Variants in LPIN1 observed in about 807,000 individuals in gnomAD.
LPIN1 encodes lipin 1.
LPIN1 carries 71 observed loss-of-function variants against 107.5 expected under a neutral mutation model. That is an observed-to-expected ratio of 0.66 (90% CI 0.55 to 0.80). The LOEUF is 0.80. Ranked by LOEUF, LPIN1 falls within the 30% of genes least tolerant of loss-of-function variation. The pLI, the probability that LPIN1 is intolerant of heterozygous loss-of-function variation, is 0.00. For synonymous variants in LPIN1, 445 were observed against 452.6 expected (o/e 0.98, Z 0.21); for missense variants, 1,043 against 1,160.6 (o/e 0.90, Z 1.47).
intron 1 of LPIN1, among the ~76,000 whole-genome samples, chr2:11,759,007 C>G (rs1276504215): frequency 6.6e-6 from 1 of 152,206 alleles, no homozygotes; most frequent in Non-Finnish European, 1.5e-5. Context: ...TGTCTTGGAA[C>G]GGATAGAGCT....
At chr2:11,804,982 G>GTTTTTTTTTT in intron 16 of LPIN1, 88 bp from the exon 17 acceptor site, 2 of 704,170 alleles carry the variant, frequency 2.8e-6, no homozygotes, top group Admixed American at 2.3e-5. Flanking sequence ...TCTTGTTTGT[G>GTTTTTTTTTT]TTTTTTTTTT....
intron 1 of LPIN1, among the ~76,000 whole-genome samples, chr2:11,700,041 C>T (rs145306300): frequency 1.9e-4 from 29 of 152,300 alleles, no homozygotes; most frequent in African/African-American, 6.5e-4. Flanking sequence ...GTGTGTCTTT[C>T]TTTGATTGTT....
intron 17 of LPIN1, among the ~76,000 whole-genome samples, chr2:11,808,825 C>T (rs1026094073): frequency 2.3e-4 from 35 of 149,710 alleles, no homozygotes; most frequent in African/African-American, 8.2e-4. Context: ...GAGCCGAGAT[C>T]GCACCATTGC....
chr2:11,729,212 C>G (rs545306410), intron 1 of LPIN1, among the ~76,000 whole-genome samples: 8 of 152,214 alleles, frequency 5.3e-5, no homozygotes, highest in African/African-American at 1.7e-4. Context: ...GGCTTAAAAC[C>G]TAGATGATGG....
chr2:11,805,236 C>T, intron 17 of LPIN1, 80 bp downstream of exon 17: 1 of 1,136,012 alleles, frequency 8.8e-7, no homozygotes, highest in Non-Finnish European at 1.3e-6. Flanking sequence ...TCTTTCCTGT[C>T]CCAGCACGGG....
rs373496457 is a variant in LPIN1, at chr2:11,811,971, G to A, written c.2250-3117G>A. On this transcript the variant is annotated intron_variant, in intron 17 of 20. Coordinates refer to ENST00000674199, the MANE Select transcript of LPIN1 (RefSeq NM_001349206.2). ...CTGCACTCCAGCCTGGTGACACAGC[G>A]AGACTCCGTCTCAAAAAAAAAGAAA... Among the ~76,000 whole-genome samples, 54 of 152,084 alleles carry A rather than the reference G, an allele frequency of 3.6e-4. No homozygotes were observed. In the South Asian group the frequency reaches 6.7e-3, roughly 19 times the overall value.
At position 11,793,796 on chromosome 2, in the gene LPIN1, G is replaced by A. The variant is rs1290253622; in HGVS notation, c.1807-1612G>A. ...AGTTGATAATTATGTAATTACTAGC[G>A]TGACTATTTGATGAACCTCTCCTTT... On this transcript the variant is annotated intron_variant, in intron 13 of 20. Transcript: ENST00000674199. Among the ~76,000 whole-genome samples the A allele has an allele frequency of 4.6e-5, 7 of 152,252 alleles. No individual in the cohort carries two copies. The East Asian group carries it at 7.7e-4, about 17-fold the overall frequency.
intron 1 of LPIN1, among the ~76,000 whole-genome samples, chr2:11,684,766 A>AT (rs531413399): frequency 1.2e-3 from 140 of 114,138 alleles, no homozygotes; most frequent in African/African-American, 4.5e-3. Context: ...ATTGTTTTTC[A>AT]TTTTTTAAGA....
intron 1 of LPIN1, among the ~76,000 whole-genome samples, chr2:11,689,620 C>G (rs1451363661): frequency 6.6e-6 from 1 of 152,076 alleles, no homozygotes; most frequent in Non-Finnish European, 1.5e-5. Flanking sequence ...GAAAACATAC[C>G]TATAGGCTGG....
At position 11,813,221 on chromosome 2, in the gene LPIN1, G is replaced by T. The variant is rs141573173; in HGVS notation, c.2250-1867G>T. Among the ~76,000 whole-genome samples the T allele has an allele frequency of 2.5e-3, 387 of 152,272 alleles. 1 individual carries two copies. The highest frequency in any genetic ancestry group is 8.5e-3 in the African/African-American group (351 of 41,538). On this transcript the variant is annotated intron_variant, in intron 17 of 20. Transcript: ENST00000674199. ...TAGTAGCCTGCAGCTTGGGAGAGGG[G>T]TCTGGACGGGGTCCATGCATTTGGG...
intron 15 of LPIN1, 24 bp from the exon 16 acceptor site, chr2:11,804,399 A>T: frequency 6.2e-7 from 1 of 1,614,036 alleles, no homozygotes; most frequent in Non-Finnish European, 8.5e-7. Flanking sequence ...AAGCAGACAA[A>T]TACTAATGGT....
intron 1 of LPIN1, among the ~76,000 whole-genome samples, chr2:11,690,232 A>G (rs1662202776): frequency 6.6e-6 from 1 of 152,146 alleles, no homozygotes; most frequent in South Asian, 2.1e-4. Context: ...GGGACTGTCT[A>G]TGGAAGACAA....
At chr2:11,761,004 A>G (rs1669737292) in intron 1 of LPIN1, among the ~76,000 whole-genome samples, 1 of 152,216 alleles carries the variant, frequency 6.6e-6, no homozygotes, top group Admixed American at 6.5e-5. Context: ...GTCAATCCAG[A>G]GAGCCCCTCT....
At chr2:11,807,566 T>A (rs1185849354) in intron 17 of LPIN1, among the ~76,000 whole-genome samples, 2 of 151,712 alleles carry the variant, frequency 1.3e-5, no homozygotes, top group African/African-American at 2.4e-5. Context: ...AGAAGAGAGA[T>A]CTTCTTGAAA....
chr2:11,733,497 CTCTT>C (rs1300282764), intron 1 of LPIN1, among the ~76,000 whole-genome samples: 8 of 147,480 alleles, frequency 5.4e-5, no homozygotes, highest in African/African-American at 1.1e-4. Context: ...CTCTCTCTCT[CTCTT>C]TTTTTTTTTT....
chr2:11,770,948 GTCTT>G (rs78156446), intron 3 of LPIN1, among the ~76,000 whole-genome samples: 20,871 of 152,032 alleles, frequency 0.14, 1,746 homozygotes, highest in Middle Eastern at 0.2. Context: ...CACATTCTCT[GTCTT>G]TCTCTCACAC....
intron 12 of LPIN1, 22 bp downstream of exon 12, chr2:11,788,478 A>C (rs1675061744): frequency 1.9e-6 from 3 of 1,584,206 alleles, no homozygotes; most frequent in Non-Finnish European, 2.6e-6. Context: ...CATGAGAAAG[A>C]AAAGGGGATG....
intron 1 of LPIN1, among the ~76,000 whole-genome samples, chr2:11,759,143 T>C (rs1191781078): frequency 7.6e-6 from 1 of 131,250 alleles, no homozygotes; most frequent in Non-Finnish European, 1.7e-5. Flanking sequence ...TTTTCTTTCT[T>C]TCTTTCTTTC....
At chr2:11,821,479 T>C (rs1017449078) in intron 20 of LPIN1, among the ~76,000 whole-genome samples, 1 of 152,068 alleles carries the variant, frequency 6.6e-6, no homozygotes, top group Admixed American at 6.5e-5. Context: ...ATCGTGCCAT[T>C]GCACTCCAGC....
Sources: allele counts gnomAD v4.1 joint callset (sites outside exome capture counted in the v4.1 genomes callset), GRCh38; gene constraint gnomAD v4.1.1; transcripts MANE v1.5; gene names NCBI Gene and HGNC (gene_info 2026-07-23, HGNC 2026-07-21).